CRTC3: variants seen among roughly 807,000 people sequenced by gnomAD.
The protein encoded by CRTC3 is CREB regulated transcription coactivator 3, also known as CREB-regulated transcription coactivator 3.
In CRTC3, 26 loss-of-function variants were observed where a neutral mutation model predicts 74.5. That is an observed-to-expected ratio of 0.35 (90% confidence interval 0.26 to 0.48). The LOEUF (loss-of-function observed/expected upper bound fraction) is 0.48, where lower values mean the gene tolerates loss of function less well. Among genes scored for constraint, CRTC3 ranks in the 20% least tolerant of loss-of-function variants. The pLI is 0.99. For missense variants in CRTC3, 760 were observed against 787.3 expected, an observed-to-expected ratio of 0.97 and a Z score of 0.41; for synonymous variants, 377 against 325.8, an observed-to-expected ratio of 1.16 and a Z score of -1.69.
At chr15:90,545,303 A>G (rs889827483) in intron 2 of CRTC3, among the ~76,000 whole-genome samples, 2 of 152,086 alleles carry the variant, frequency 1.3e-5, no homozygotes, top group Non-Finnish European at 2.9e-5. Flanking sequence ...TGCTATGAAC[A>G]TGGGTGTGCA....
chr15:90,625,760 A>G lies in CRTC3; in HGVS notation c.750-16A>G, dbSNP rs1968811341. ...AATACATTGTAGAAAGTCATTCTTAATCTTTCTTTTTTCAGTGCTTTTCCA... is the reference window on the plus strand; with the variant it reads ...AATACATTGTAGAAAGTCATTCTTAGTCTTTCTTTTTTCAGTGCTTTTCCA... On this transcript the variant is annotated splice_polypyrimidine_tract_variant and intron_variant, in intron 9 of 14. Transcript: ENST00000268184. 1.9e-6 allele frequency: 3 copies of G among 1,602,678 alleles called. No individual in the cohort carries two copies. The highest frequency in any genetic ancestry group is 1.7e-4 in the Middle Eastern group (1 of 6,042).
chr15:90,639,742 G>A (rs985263636), intron 13 of CRTC3, among the ~76,000 whole-genome samples: 4 of 148,458 alleles, frequency 2.7e-5, no homozygotes, highest in Non-Finnish European at 4.5e-5. Context: ...GAGCCACTGT[G>A]CCCAGCCAAG....
chr15:90,572,873 G>A (rs1354352749), intron 2 of CRTC3, among the ~76,000 whole-genome samples: 1 of 152,066 alleles, frequency 6.6e-6, no homozygotes, highest in Non-Finnish European at 1.5e-5. Flanking sequence ...ACCATGCCCC[G>A]CCAATATATC....
rs1475245161 is a variant in CRTC3 at position 90,625,760 on chromosome 15, ATCTT to A, written c.750-10_750-7del. On this transcript the variant is annotated splice_polypyrimidine_tract_variant and intron_variant, in intron 9 of 14. Transcript: ENST00000268184. ...AATACATTGTAGAAAGTCATTCTTAATCTTTCTTTTTTCAGTGCTTTTCCACATA... is the reference window on the plus strand; with the variant it reads ...AATACATTGTAGAAAGTCATTCTTAATCTTTTTTCAGTGCTTTTCCACATA... 1.9e-5 allele frequency: 30 copies of A among 1,602,678 alleles called. No homozygotes were observed. The highest frequency in any genetic ancestry group is 2.5e-5 in the Non-Finnish European group (29 of 1,169,620).
chr15:90,598,604 C>T (rs922343371), intron 3 of CRTC3: 25 of 689,334 alleles, frequency 3.6e-5, no homozygotes, highest in Non-Finnish European at 5.8e-5. Context: ...ACGGTGGCCT[C>T]ACTAAATGAG....
At chr15:90,543,738 T>C (rs1966839060) in intron 2 of CRTC3, among the ~76,000 whole-genome samples, 1 of 152,216 alleles carries the variant, frequency 6.6e-6, no homozygotes, top group South Asian at 2.1e-4. Context: ...TGAGGTATTA[T>C]GTAAATACAA....
intron 2 of CRTC3, among the ~76,000 whole-genome samples, chr15:90,548,427 C>T (rs1427105772): frequency 6.6e-6 from 1 of 152,136 alleles, no homozygotes; most frequent in Non-Finnish European, 1.5e-5. Context: ...TCCTGGGGCC[C>T]ACTACCAATA....
intron 6 of CRTC3, chr15:90,613,814 A>G (rs753204305): frequency 6.6e-6 from 1 of 152,254 alleles, no homozygotes; most frequent in South Asian, 2.1e-4. Context: ...GCTTAGAGCA[A>G]TAGGAAATAC....
At chr15:90,575,695 A>T (rs1967388134) in intron 2 of CRTC3, among the ~76,000 whole-genome samples, 1 of 152,180 alleles carries the variant, frequency 6.6e-6, no homozygotes, top group African/African-American at 2.4e-5. Context: ...CACCAGAATC[A>T]CACTATTTTA....
Position 90,644,433 on chromosome 15 carries a change from G to A in CRTC3, c.*2293G>A. ...TTACCCATGGGTATCGTCATATCCG[G>A]GTCCCAGTTCAGTTTGTCTGCACAG... is the stretch of plus-strand genomic sequence containing the variant. On this transcript the variant is annotated 3_prime_UTR_variant, in exon 15 of 15. Transcript: ENST00000268184. 1 of 231,386 alleles carries A rather than the reference G, an allele frequency of 4.3e-6. No homozygotes were observed. Among genetic ancestry groups the A allele is most frequent in the Non-Finnish European group, 8.6e-6 (1 of 116,860 alleles). The allele number at this position is 231,386 out of a possible 1,614,324, so 14.3% of individuals were successfully genotyped here. A position where few individuals can be genotyped will look rare whatever the true frequency, so the allele number is the denominator to read the frequency against.
At chr15:90,546,918 C>T (rs557640741) in intron 2 of CRTC3, among the ~76,000 whole-genome samples, 53 of 152,052 alleles carry the variant, frequency 3.5e-4, no homozygotes, top group Middle Eastern at 3.5e-3. Flanking sequence ...CCACAACGCC[C>T]GGCCAACACC....
At chr15:90,634,205 A>G (rs531354576) in intron 11 of CRTC3, among the ~76,000 whole-genome samples, 3 of 151,688 alleles carry the variant, frequency 2.0e-5, no homozygotes, top group African/African-American at 7.3e-5. Flanking sequence ...TCCGCCATCC[A>G]GGTTCAAACC....
chr15:90,608,357 T>G (rs1968278848), intron 6 of CRTC3, among the ~76,000 whole-genome samples: 1 of 152,092 alleles, frequency 6.6e-6, no homozygotes, highest in Non-Finnish European at 1.5e-5. Flanking sequence ...TGTCTGCCTC[T>G]CTCCCTTTTC....
At chr15:90,576,745 T>C (rs908733977) in intron 2 of CRTC3, among the ~76,000 whole-genome samples, 1 of 152,202 alleles carries the variant, frequency 6.6e-6, no homozygotes, top group Non-Finnish European at 1.5e-5. Context: ...ATTTCCAGTG[T>C]TCCAAGAGGT....
At chr15:90,598,373 C>G in intron 3 of CRTC3, 1 of 699,410 alleles carries the variant, frequency 1.4e-6, no homozygotes. Flanking sequence ...AACTGATGTC[C>G]TCTCTTATCA....
At chr15:90,576,410 C>T (rs971155046) in intron 2 of CRTC3, among the ~76,000 whole-genome samples, 7 of 151,862 alleles carry the variant, frequency 4.6e-5, no homozygotes, top group Admixed American at 2.6e-4. Context: ...TTGAAACACA[C>T]GAGATAGGGG....
chr15:90,612,965 G>A (rs1968398750), intron 6 of CRTC3, among the ~76,000 whole-genome samples: 1 of 152,140 alleles, frequency 6.6e-6, no homozygotes, highest in Admixed American at 6.5e-5. Context: ...TTGGGAGGCT[G>A]AGGCAGACAG....
At chr15:90,586,088 C>T (rs1026651621) in intron 2 of CRTC3, among the ~76,000 whole-genome samples, 4 of 152,110 alleles carry the variant, frequency 2.6e-5, no homozygotes, top group South Asian at 2.1e-4. Flanking sequence ...CCAGTGTTGA[C>T]GATGGTATTC....
chr15:90,568,673 G>A (rs1269686898), intron 2 of CRTC3, among the ~76,000 whole-genome samples: 1 of 152,128 alleles, frequency 6.6e-6, no homozygotes, highest in Non-Finnish European at 1.5e-5. Context: ...GTGGGTAAAA[G>A]TGTTACCCAG....
Sources: gnomAD v4.1 joint callset for allele counts (sites outside exome capture counted in the v4.1 genomes callset) on GRCh38, gnomAD v4.1.1 for gene constraint, MANE v1.5 for transcripts, NCBI Gene and HGNC (gene_info 2026-07-23, HGNC 2026-07-21) for gene names.